Variants in INPP4B observed in about 807,000 individuals in gnomAD.
The protein encoded by INPP4B is inositol polyphosphate 4-phosphatase type II.
A neutral mutation model predicts 122.5 loss-of-function variants in INPP4B; 55 were observed. That is an observed-to-expected ratio of 0.45 (90% confidence interval 0.36 to 0.56). The LOEUF (loss-of-function observed/expected upper bound fraction) is 0.56, where lower values mean the gene tolerates loss of function less well. Ranked by LOEUF, INPP4B falls within the 20% of genes least tolerant of loss-of-function variation. The probability of loss-of-function intolerance (pLI) is 0.00; values close to 1 mark genes in which losing one functional copy is unlikely to be tolerated. For missense variants in INPP4B, 1,000 were observed against 1,097.7 expected (o/e 0.91, Z 1.26); for synonymous variants, 403 against 388.7 (o/e 1.04, Z -0.43).
At chr4:142,623,978 T>C (rs2097663611) in intron 2 of INPP4B, among the ~76,000 whole-genome samples, 1 of 152,118 alleles carries the variant, frequency 6.6e-6, no homozygotes, top group South Asian at 2.1e-4. Context: ...TTGTTGGACA[T>C]TTGGGTTGGT....
Position 142,247,989 on chromosome 4 carries a change from G to A in INPP4B, c.689-9978C>T, listed in dbSNP as rs1428181919. ...CATTATTGTATTCTTGTATGGAAGA[G>A]CCTCTGTGTGCTCAGGAGGGAAAGA... On this transcript the variant is annotated intron_variant, in intron 11 of 25. Coordinates refer to ENST00000262992, the MANE Select transcript of INPP4B (RefSeq NM_001101669.3). Among the ~76,000 whole-genome samples the A allele has an allele frequency of 2.0e-5, 3 of 152,070 alleles. No individual in the cohort carries two copies. The East Asian group carries it at 5.8e-4, about 29-fold the overall frequency.
chr4:142,327,089 CAG>C (rs1389038589), intron 7 of INPP4B, among the ~76,000 whole-genome samples: 4 of 152,050 alleles, frequency 2.6e-5, no homozygotes, highest in African/African-American at 9.7e-5. Flanking sequence ...GGAATAGAAA[CAG>C]ACACAATTTA....
chr4:142,400,696 T>C (rs1384995545), intron 7 of INPP4B, among the ~76,000 whole-genome samples: 1 of 152,200 alleles, frequency 6.6e-6, no homozygotes, highest in Non-Finnish European at 1.5e-5. Flanking sequence ...ATGTTCAAAT[T>C]TCACAAGTCT....
intron 7 of INPP4B, among the ~76,000 whole-genome samples, chr4:142,389,674 G>T (rs942572609): frequency 2.0e-5 from 3 of 152,156 alleles, no homozygotes; most frequent in African/African-American, 7.2e-5. Flanking sequence ...AACTATACTG[G>T]AAAGAGTCAG....
chr4:142,518,744 G>A (rs1380624777), intron 2 of INPP4B: 1 of 152,196 alleles, frequency 6.6e-6, no homozygotes, highest in East Asian at 1.9e-4. Flanking sequence ...AAGTAGCTCA[G>A]TGGAATGGCC....
At chr4:142,554,173 A>G (rs1728593528) in intron 2 of INPP4B, among the ~76,000 whole-genome samples, 1 of 145,102 alleles carries the variant, frequency 6.9e-6, no homozygotes, top group Non-Finnish European at 1.5e-5. Flanking sequence ...GGGCAACAAG[A>G]GTGAAACTCC....
At chr4:142,557,572 C>T (rs971999919) in intron 2 of INPP4B, among the ~76,000 whole-genome samples, 2 of 152,204 alleles carry the variant, frequency 1.3e-5, no homozygotes, top group African/African-American at 4.8e-5. Flanking sequence ...ATTGCAGACA[C>T]ATGCTCCCGA....
Position 142,122,262 on chromosome 4 carries a change from G to A in INPP4B, c.2018-17C>T, listed in dbSNP as rs764269298. The A allele has an allele frequency of 3.9e-6, 6 of 1,548,670 alleles. No individual in the cohort carries two copies. The South Asian group carries it at 5.7e-5, about 15-fold the overall frequency. Reference sequence around the variant, plus strand: ...TTTCATCGCCTAAACAATAGAAAAGGCACTTAGCTACAAACAAACATTTGA... The same window carrying A: ...TTTCATCGCCTAAACAATAGAAAAGACACTTAGCTACAAACAAACATTTGA... On this transcript the variant is annotated splice_polypyrimidine_tract_variant and intron_variant, in intron 20 of 25. Transcript: ENST00000262992.
chr4:142,732,252 T>G (rs1766208504), intron 1 of INPP4B, among the ~76,000 whole-genome samples: 1 of 152,162 alleles, frequency 6.6e-6, no homozygotes, highest in Admixed American at 6.5e-5. Flanking sequence ...TTATCTAGCA[T>G]CTACTCACAT....
At chr4:142,479,510 T>C (rs1820225767) in intron 2 of INPP4B, among the ~76,000 whole-genome samples, 1 of 152,094 alleles carries the variant, frequency 6.6e-6, no homozygotes, top group South Asian at 2.1e-4. Context: ...CACATGCACA[T>C]GAATGTTCAT....
At chr4:142,691,874 G>T (rs548149941) in intron 2 of INPP4B, among the ~76,000 whole-genome samples, 29 of 152,236 alleles carry the variant, frequency 1.9e-4, no homozygotes, top group African/African-American at 6.7e-4. Context: ...GTTCAGGCAG[G>T]TTCTTCACTT....
chr4:142,148,105 A>G (rs935404027), intron 17 of INPP4B, among the ~76,000 whole-genome samples: 1 of 152,146 alleles, frequency 6.6e-6, no homozygotes, highest in African/African-American at 2.4e-5. Flanking sequence ...ACAACTCTCC[A>G]GCTAAAACTG....
chr4:142,028,338 T>C lies in INPP4B; in HGVS notation c.*444A>G, dbSNP rs1737682020. 1 of 229,478 alleles carries C rather than the reference T, an allele frequency of 4.4e-6. No homozygotes were observed. Among genetic ancestry groups the C allele is most frequent in the Non-Finnish European group, 8.6e-6 (1 of 115,814 alleles). The allele number at this position is 229,478 out of a possible 1,614,324, so 14.2% of individuals were successfully genotyped here. A position where few individuals can be genotyped will look rare whatever the true frequency, so the allele number is the denominator to read the frequency against. ...TAAATCCCTTACATTGATTCTCAGG[T>C]TGACTGTGTTCTCATAGGCTATTAA... On this transcript the variant is annotated 3_prime_UTR_variant, in exon 26 of 26. Coordinates refer to ENST00000262992, the MANE Select transcript of INPP4B (RefSeq NM_001101669.3).
chr4:142,756,929 A>G (rs1003638480), intron 1 of INPP4B, among the ~76,000 whole-genome samples: 1 of 152,150 alleles, frequency 6.6e-6, no homozygotes, highest in Admixed American at 6.6e-5. Flanking sequence ...GGAAAGATCT[A>G]AAAAGGAGTC....
rs572017518 is a variant in INPP4B at position 142,649,982 on chromosome 4, C to T, written c.-191+75857G>A. On this transcript the variant is annotated intron_variant, in intron 2 of 25. Coordinates refer to ENST00000262992, the MANE Select transcript of INPP4B (RefSeq NM_001101669.3). ...AGCCAGAGAGAAAGGTTGGGTTACC[C>T]ACAAAGGGAAGCCCATCAGACAAAC... 3.3e-5 allele frequency among the ~76,000 whole-genome samples: 5 copies of T among 152,296 alleles called. No individual in the cohort carries two copies. The East Asian group carries it at 9.6e-4, about 29-fold the overall frequency.
chr4:142,718,378 C>A (rs1445874771), intron 2 of INPP4B, among the ~76,000 whole-genome samples: 3 of 152,184 alleles, frequency 2.0e-5, no homozygotes, highest in Non-Finnish European at 4.4e-5. Flanking sequence ...ACCTCATGAG[C>A]AGTTGTCATT....
chr4:142,242,603 A>G (rs989045304), intron 11 of INPP4B, among the ~76,000 whole-genome samples: 1 of 152,162 alleles, frequency 6.6e-6, no homozygotes, highest in African/African-American at 2.4e-5. Context: ...ACTCTATTCC[A>G]CTCATCAAGT....
At chr4:142,584,071 A>T (rs1187337950) in intron 2 of INPP4B, among the ~76,000 whole-genome samples, 1 of 152,022 alleles carries the variant, frequency 6.6e-6, no homozygotes, top group Non-Finnish European at 1.5e-5. Context: ...CTTATTCTAT[A>T]TGCCCTGTAC....
chr4:142,543,989 CAGA>C (rs1166333807), intron 2 of INPP4B, among the ~76,000 whole-genome samples: 1 of 151,922 alleles, frequency 6.6e-6, no homozygotes, highest in Non-Finnish European at 1.5e-5. Context: ...TTTAAAAAGG[CAGA>C]AGAAGTGGAT....
Sources: gnomAD v4.1 joint callset for allele counts (sites outside exome capture counted in the v4.1 genomes callset) on GRCh38, gnomAD v4.1.1 for gene constraint, MANE v1.5 for transcripts, NCBI Gene and HGNC (gene_info 2026-07-23, HGNC 2026-07-21) for gene names.